IRF2: variants seen among roughly 807,000 people sequenced by gnomAD.
The protein encoded by IRF2 is interferon regulatory factor 2.
IRF2 carries 15 observed loss-of-function variants against 40.6 expected under a neutral mutation model. The ratio of observed to expected loss-of-function variants is 0.37; its 90% CI spans 0.25 to 0.57. IRF2 has a LOEUF of 0.57. Among genes scored for constraint, IRF2 ranks in the 20% least tolerant of loss-of-function variants. The pLI is 0.77. For missense variants in IRF2, 317 were observed against 455.7 expected (o/e 0.70, Z 2.77); for synonymous variants, 151 against 165.5 (o/e 0.91, Z 0.67).
chr4:184,416,039 C>G (rs1737254667), intron 5 of IRF2, among the ~76,000 whole-genome samples: 1 of 152,114 alleles, frequency 6.6e-6, no homozygotes, highest in Non-Finnish European at 1.5e-5. Context: ...ACAAACTCAG[C>G]CAGGCTCACA....
chr4:184,424,273 G>A (rs1737589810), intron 2 of IRF2, among the ~76,000 whole-genome samples: 1 of 152,206 alleles, frequency 6.6e-6, no homozygotes, highest in South Asian at 2.1e-4. Context: ...CTTCCTCGCT[G>A]TTCCTTCAGA....
rs1737350168 is a variant in IRF2 at position 184,418,169 on chromosome 4, T to C, written c.409A>G (p.Lys137Glu). The C allele has an allele frequency of 6.2e-7, 1 of 1,613,322 alleles. No homozygotes were observed. The highest frequency in any genetic ancestry group is 2.2e-5 in the East Asian group (1 of 44,884). The change falls in exon 5 of 9, where the codon AAG becomes GAG. Residue 137 changes from lysine to glutamate, a missense_variant and splice_region_variant. By Grantham distance (56) the Lys-to-Glu change is moderately conservative. Transcript: ENST00000393593. ...CTCTCTGAATCACCCAAGATTACCTTGATGTGCTTAACTTTGTCTTCTTTT... is the reference window on the plus strand; with the variant it reads ...CTCTCTGAATCACCCAAGATTACCTCGATGTGCTTAACTTTGTCTTCTTTT... ...TEKEDKVKHI[K>E]QEPVESSLGL...
intron 1 of IRF2, among the ~76,000 whole-genome samples, chr4:184,461,097 G>A (rs1036264884): frequency 2.0e-5 from 3 of 152,176 alleles, no homozygotes; most frequent in Admixed American, 6.5e-5. Flanking sequence ...TACTGATTCT[G>A]CAGCTCTGCT....
intron 1 of IRF2, among the ~76,000 whole-genome samples, chr4:184,460,372 A>G (rs539571477): frequency 6.6e-6 from 1 of 152,324 alleles, no homozygotes; most frequent in East Asian, 1.9e-4. Context: ...CCAGATACTG[A>G]AAAAGTTCTG....
chr4:184,445,312 C>G (rs1445955181), intron 1 of IRF2, among the ~76,000 whole-genome samples: 1 of 152,194 alleles, frequency 6.6e-6, no homozygotes, highest in Admixed American at 6.5e-5. Context: ...CCTGAGTTTT[C>G]CAAGACTGTC....
intron 1 of IRF2, chr4:184,472,508 C>T (rs1739546989): frequency 6.6e-6 from 1 of 152,202 alleles, no homozygotes; most frequent in African/African-American, 2.4e-5. Context: ...GGAAATCTAA[C>T]TATCCTCCAT....
intron 1 of IRF2, among the ~76,000 whole-genome samples, chr4:184,436,762 GC>G (rs2149907378): frequency 6.6e-6 from 1 of 152,342 alleles, no homozygotes; most frequent in East Asian, 1.9e-4. Flanking sequence ...ACTGTCTTAT[GC>G]ACCAACAGGG....
intron 1 of IRF2, among the ~76,000 whole-genome samples, chr4:184,438,093 A>T (rs1033808338): frequency 6.6e-6 from 1 of 152,172 alleles, no homozygotes; most frequent in Non-Finnish European, 1.5e-5. Context: ...CCCTAACTAG[A>T]GCCTGACCCT....
intron 1 of IRF2, among the ~76,000 whole-genome samples, chr4:184,440,462 C>T (rs139688805): frequency 1.2e-4 from 19 of 152,378 alleles, no homozygotes; most frequent in African/African-American, 3.1e-4. Context: ...GGGGCCTCCC[C>T]GGCCCCATTC....
intron 1 of IRF2, among the ~76,000 whole-genome samples, chr4:184,437,466 T>G (rs1371904202): frequency 6.6e-6 from 1 of 152,164 alleles, no homozygotes; most frequent in Admixed American, 6.5e-5. Flanking sequence ...CCCAAACTGC[T>G]AAGGTTAGAG....
At chr4:184,442,189 C>G (rs1005078787) in intron 1 of IRF2, among the ~76,000 whole-genome samples, 3 of 152,190 alleles carry the variant, frequency 2.0e-5, no homozygotes, top group Admixed American at 6.5e-5. Context: ...TTAATACTTT[C>G]CCAGCGAGTG....
Position 184,395,662 on chromosome 4 carries a change from A to G in IRF2, c.694+3253T>C, listed in dbSNP as rs187986528. On this transcript the variant is annotated intron_variant, in intron 7 of 8. Coordinates refer to ENST00000393593, the MANE Select transcript of IRF2 (RefSeq NM_002199.4). ...TTTACACCACTGTGAGCTCTAGAAC[A>G]TCAGCAGCGATGGAACATTTTGCCT... is the stretch of plus-strand genomic sequence containing the variant. 1.3e-3 allele frequency among the ~76,000 whole-genome samples: 203 copies of G among 152,340 alleles called. 3 individuals carry two copies. The highest frequency in any genetic ancestry group is 4.4e-3 in the African/African-American group (182 of 41,586).
intron 5 of IRF2, among the ~76,000 whole-genome samples, chr4:184,411,905 C>T (rs1015122724): frequency 1.3e-5 from 2 of 151,590 alleles, no homozygotes; most frequent in Non-Finnish European, 2.9e-5. Context: ...TTCACATCCC[C>T]TCTGTCTGCT....
At chr4:184,424,630 A>G (rs1348670918) in intron 2 of IRF2, among the ~76,000 whole-genome samples, 2 of 152,202 alleles carry the variant, frequency 1.3e-5, no homozygotes, top group Non-Finnish European at 1.5e-5. Flanking sequence ...CACCAGCAAG[A>G]AGGCCCTCAC....
chr4:184,428,170 T>G (rs1453338963), intron 2 of IRF2, among the ~76,000 whole-genome samples: 1 of 152,198 alleles, frequency 6.6e-6, no homozygotes, highest in East Asian at 1.9e-4. Context: ...ACTGGCTGCT[T>G]TCTTAGGAAA....
chr4:184,453,917 T>G (rs1224706015), intron 1 of IRF2, among the ~76,000 whole-genome samples: 1 of 152,218 alleles, frequency 6.6e-6, no homozygotes. Flanking sequence ...GGTCAGTATT[T>G]GTGAAAAGTC....
chr4:184,468,246 G>A (rs1320563208), intron 1 of IRF2, among the ~76,000 whole-genome samples: 2 of 152,194 alleles, frequency 1.3e-5, no homozygotes, highest in Non-Finnish European at 2.9e-5. Flanking sequence ...CGAATACTTT[G>A]GGAGGCTGAG....
At chr4:184,441,798 G>A (rs559711754) in intron 1 of IRF2, among the ~76,000 whole-genome samples, 74 of 152,316 alleles carry the variant, frequency 4.9e-4, no homozygotes, top group African/African-American at 1.7e-3. Flanking sequence ...TCCCAAGAAC[G>A]TGGGTACTAC....
In IRF2 at chr4:184,418,589, T is replaced by C; in HGVS notation, c.307A>G (p.Asn103Asp). ...ATTCGGTAGACCCTGAAGGCATTAT[T>C]TCCTTTCTTTATGCTTTTATCCTTG... ...EVKDKSIKKG[N>D]NAFRVYRMLP... The change falls in exon 4 of 9, where the codon AAT becomes GAT. Residue 103 changes from asparagine (N) to aspartate (D), a missense_variant. Physicochemically the swap from Asn to Asp is conservative, Grantham distance 23. Around this residue, in one of 2 missense-constraint regions of IRF2, gnomAD observed 262 missense variants for 334.0 expected, o/e 0.78. Transcript: ENST00000393593. 6.2e-7 allele frequency: 1 copy of C among 1,614,238 alleles called. No individual in the cohort carries two copies. The highest frequency in any genetic ancestry group is 8.5e-7 in the Non-Finnish European group (1 of 1,180,026).
Sources: gnomAD v4.1 joint callset for allele counts (sites outside exome capture counted in the v4.1 genomes callset) on GRCh38, gnomAD v4.1.1 for gene constraint, gnomAD v4.1.1 regional missense constraint, MANE v1.5 for transcripts, NCBI Gene and HGNC (gene_info 2026-07-23, HGNC 2026-07-21) for gene names.